EPHA6: variants seen among roughly 807,000 people sequenced by gnomAD.
EPHA6 encodes the protein ephrin type-A receptor 6.
In EPHA6, 50 loss-of-function variants were observed where a neutral mutation model predicts 112.0. The observed-to-expected ratio is 0.45, with a 90% CI of 0.36 to 0.56. The LOEUF is 0.56. EPHA6 is among the 20% of genes least tolerant of loss of function. The probability of loss-of-function intolerance (pLI) is 0.00; values close to 1 mark genes in which losing one functional copy is unlikely to be tolerated. For synonymous variants in EPHA6, 529 were observed against 490.7 expected, an observed-to-expected ratio of 1.08 and a Z score of -1.03; for missense variants, 1,280 against 1,417.4, an observed-to-expected ratio of 0.90 and a Z score of 1.56.
intron 2 of EPHA6, among the ~76,000 whole-genome samples, chr3:96,963,160 CA>C (rs376176100): frequency 0.077 from 6,607 of 85,612 alleles, 325 homozygotes; most frequent in Admixed American, 0.27. Context: ...AAACTGCATC[CA>C]AAAAAAAAAA....
At chr3:96,972,412 AACACACACACAAAC>A (rs1259432698) in intron 2 of EPHA6, among the ~76,000 whole-genome samples, 5 of 111,316 alleles carry the variant, frequency 4.5e-5, no homozygotes, top group Non-Finnish European at 5.3e-5. Flanking sequence ...AGATTTCAGA[AACACACACACAAAC>A]ACACACACAC....
intron 3 of EPHA6, among the ~76,000 whole-genome samples, chr3:97,151,645 A>G (rs1353802787): frequency 6.6e-6 from 1 of 152,078 alleles, no homozygotes; most frequent in Non-Finnish European, 1.5e-5. Flanking sequence ...GAATATAATT[A>G]TATTTTGTGC....
intron 3 of EPHA6, among the ~76,000 whole-genome samples, chr3:97,132,709 G>C (rs1168848610): frequency 6.6e-6 from 1 of 151,900 alleles, no homozygotes; most frequent in Non-Finnish European, 1.5e-5. Context: ...ACTCAATTGA[G>C]AATACAAAGC....
chr3:97,000,287 A>ACACACACACATATATAGC (rs138184966), intron 3 of EPHA6, among the ~76,000 whole-genome samples: 8 of 147,200 alleles, frequency 5.4e-5, no homozygotes, highest in African/African-American at 1.8e-4. Context: ...ACACACACAC[A>ACACACACACATATATAGC]CACACATATA....
chr3:97,535,033 T>C (rs549420382), intron 11 of EPHA6, among the ~76,000 whole-genome samples: 33 of 142,414 alleles, frequency 2.3e-4, no homozygotes, highest in African/African-American at 9.8e-4. Context: ...TACACATCTA[T>C]CCTTTCTCAA....
At chr3:97,314,906 A>G (rs2081742606) in intron 5 of EPHA6, among the ~76,000 whole-genome samples, 1 of 151,672 alleles carries the variant, frequency 6.6e-6, no homozygotes. Flanking sequence ...CTGCATCTTT[A>G]TCTAGCAAGA....
At chr3:97,517,041 AAT>A (rs2092458469) in intron 10 of EPHA6, among the ~76,000 whole-genome samples, 1 of 152,296 alleles carries the variant, frequency 6.6e-6, no homozygotes, top group South Asian at 2.1e-4. Flanking sequence ...CTTCTTGGTT[AAT>A]CATGTCTTCA....
At chr3:97,037,425 A>G (rs773744858) in intron 3 of EPHA6, among the ~76,000 whole-genome samples, 19 of 152,052 alleles carry the variant, frequency 1.2e-4, no homozygotes, top group Admixed American at 5.3e-4. Context: ...GTACAACAGC[A>G]GAGAGAATAT....
At chr3:97,361,548 G>T (rs552890684) in intron 5 of EPHA6, among the ~76,000 whole-genome samples, 4 of 152,234 alleles carry the variant, frequency 2.6e-5, no homozygotes, top group Admixed American at 6.5e-5. Context: ...AAAGTAGAAG[G>T]TCAAGGGGCC....
At chr3:97,138,000 A>G (rs373212293) in intron 3 of EPHA6, among the ~76,000 whole-genome samples, 1 of 152,138 alleles carries the variant, frequency 6.6e-6, no homozygotes, top group East Asian at 1.9e-4. Flanking sequence ...AGGTCTTCCA[A>G]GATATAACAC....
intron 2 of EPHA6, among the ~76,000 whole-genome samples, chr3:96,948,268 G>A (rs1312961651): frequency 6.6e-6 from 1 of 152,088 alleles, no homozygotes; most frequent in Non-Finnish European, 1.5e-5. Context: ...GCTTCTGTAT[G>A]TTCTATGTGT....
chr3:97,348,087 C>T (rs1257460400), intron 5 of EPHA6, among the ~76,000 whole-genome samples: 1 of 152,022 alleles, frequency 6.6e-6, no homozygotes, highest in African/African-American at 2.4e-5. Context: ...ATTTTACATA[C>T]ATGCTTTCTA....
intron 5 of EPHA6, among the ~76,000 whole-genome samples, chr3:97,377,552 C>A (rs979252236): frequency 1.3e-5 from 2 of 151,986 alleles, no homozygotes; most frequent in Non-Finnish European, 2.9e-5. Context: ...GTTTGGAGGA[C>A]AAGGAAGACA....
rs530798116 is a variant in EPHA6, at chr3:96,899,907, T to G, written c.450+33018T>G. Among the ~76,000 whole-genome samples the G allele has an allele frequency of 3.9e-5, 6 of 152,268 alleles. No homozygotes were observed. The South Asian group carries it at 1.2e-3, about 32-fold the overall frequency. On this transcript the variant is annotated intron_variant, in intron 2 of 17. Coordinates refer to ENST00000389672, the MANE Select transcript of EPHA6 (RefSeq NM_001080448.3). ...ACTTTAGATGTGACCTCTAACAGCC[T>G]TATATAGATCTTGGAAAGTTTGTGA...
intron 5 of EPHA6, among the ~76,000 whole-genome samples, chr3:97,315,018 G>C (rs377669295): frequency 4.0e-5 from 6 of 150,800 alleles, no homozygotes; most frequent in African/African-American, 1.5e-4. Context: ...TCAACTTCTG[G>C]TTGAACACTT....
intron 2 of EPHA6, among the ~76,000 whole-genome samples, chr3:96,895,096 C>G (rs1248457002): frequency 6.6e-6 from 1 of 152,174 alleles, no homozygotes; most frequent in Non-Finnish European, 1.5e-5. Flanking sequence ...GCAGGTTCTT[C>G]AGAAAGTATT....
intron 17 of EPHA6, among the ~76,000 whole-genome samples, chr3:97,748,382 T>C (rs7631083): frequency 1.2e-3 from 185 of 152,182 alleles, no homozygotes; most frequent in African/African-American, 4.3e-3. Flanking sequence ...GAAACAAACT[T>C]TTGCTGCTCA....
intron 3 of EPHA6, among the ~76,000 whole-genome samples, chr3:97,176,969 C>T (rs933015217): frequency 1.3e-5 from 2 of 151,380 alleles, no homozygotes; most frequent in African/African-American, 4.8e-5. Flanking sequence ...CAAGATGCAT[C>T]ATCAGATTGT....
chr3:96,910,343 C>T (rs1197289864), intron 2 of EPHA6, among the ~76,000 whole-genome samples: 7 of 152,082 alleles, frequency 4.6e-5, no homozygotes, highest in Non-Finnish European at 1.0e-4. Context: ...TAGTCCTTGC[C>T]TGGCAGTTGC....
Sources: allele counts gnomAD v4.1 joint callset (sites outside exome capture counted in the v4.1 genomes callset), GRCh38; gene constraint gnomAD v4.1.1; transcripts MANE v1.5; gene names NCBI Gene and HGNC (gene_info 2026-07-23, HGNC 2026-07-21).